NRG3: variants seen among roughly 807,000 people sequenced by gnomAD.
The protein encoded by NRG3 is neuregulin 3.
In NRG3, 31 loss-of-function variants were observed where a neutral mutation model predicts 66.9. That is an observed-to-expected ratio of 0.46 (90% confidence interval 0.35 to 0.63). The LOEUF (loss-of-function observed/expected upper bound fraction) is 0.63, where lower values mean the gene tolerates loss of function less well. Among genes scored for constraint, NRG3 ranks in the 20% least tolerant of loss-of-function variants. NRG3 has a pLI of 0.00. For missense variants in NRG3, 910 were observed against 878.9 expected (o/e 1.04, Z -0.45); for synonymous variants, 393 against 359.4 (o/e 1.09, Z -1.06).
intron 4 of NRG3, among the ~76,000 whole-genome samples, chr10:82,876,495 T>TA (rs1841831530): frequency 6.6e-6 from 1 of 152,062 alleles, no homozygotes; most frequent in South Asian, 2.1e-4. Flanking sequence ...GAACTTTTTG[T>TA]AAAAAGTGAA....
chr10:82,747,303 T>C (rs527474377), intron 3 of NRG3, among the ~76,000 whole-genome samples: 37 of 152,206 alleles, frequency 2.4e-4, no homozygotes, highest in African/African-American at 8.4e-4. Flanking sequence ...AAGGGCTGTT[T>C]AGTGGGTTTC....
chr10:82,865,280 A>G, intron 3 of NRG3, 131 bp from the exon 4 acceptor site: 1 of 764,962 alleles, frequency 1.3e-6, no homozygotes, highest in Non-Finnish European at 2.2e-6. Flanking sequence ...AAGCAAACAT[A>G]GGGGTTAAAA....
At chr10:82,913,762 T>C (rs1163152650) in intron 4 of NRG3, among the ~76,000 whole-genome samples, 1 of 152,236 alleles carries the variant, frequency 6.6e-6, no homozygotes, top group Non-Finnish European at 1.5e-5. Context: ...TTTGTGCAGA[T>C]TTAACATGAT....
At chr10:82,582,682 G>A (rs1415554349) in intron 2 of NRG3, among the ~76,000 whole-genome samples, 1 of 151,898 alleles carries the variant, frequency 6.6e-6, no homozygotes, top group African/African-American at 2.4e-5. Context: ...GTGTGTGTGT[G>A]TGTGTGTGTG....
chr10:82,206,711 C>A (rs1440839986), intron 1 of NRG3, among the ~76,000 whole-genome samples: 1 of 152,110 alleles, frequency 6.6e-6, no homozygotes, highest in Admixed American at 6.6e-5. Flanking sequence ...ATCTCAGGGA[C>A]CTTTACACCA....
At chr10:82,881,965 G>A (rs1171822158) in intron 4 of NRG3, among the ~76,000 whole-genome samples, 1 of 152,154 alleles carries the variant, frequency 6.6e-6, no homozygotes, top group Non-Finnish European at 1.5e-5. Flanking sequence ...CCCTGGAACA[G>A]TGCCAAATAC....
chr10:82,099,120 T>C (rs2132085302), intron 1 of NRG3, among the ~76,000 whole-genome samples: 1 of 152,300 alleles, frequency 6.6e-6, no homozygotes, highest in South Asian at 2.1e-4. Context: ...GATTTCTTTT[T>C]TCTTTCATGG....
chr10:82,188,139 G>A (rs1390927509), intron 1 of NRG3, among the ~76,000 whole-genome samples: 1 of 152,028 alleles, frequency 6.6e-6, no homozygotes, highest in Admixed American at 6.6e-5. Context: ...ACAGAATAGA[G>A]AGCCCAGAAA....
intron 1 of NRG3, among the ~76,000 whole-genome samples, chr10:82,092,319 G>T (rs1005952109): frequency 3.3e-5 from 5 of 152,008 alleles, no homozygotes; most frequent in African/African-American, 1.2e-4. Flanking sequence ...CTAATGCGTG[G>T]CTTGTTGCCT....
chr10:82,699,230 GAAAAT>G (rs2134270594), intron 2 of NRG3, among the ~76,000 whole-genome samples: 1 of 136,648 alleles, frequency 7.3e-6, no homozygotes, highest in African/African-American at 2.7e-5. Context: ...AGAAAAGAAA[GAAAAT>G]AAAAGAAGGA....
At chr10:82,466,726 T>A (rs932293410) in intron 2 of NRG3, among the ~76,000 whole-genome samples, 2 of 151,776 alleles carry the variant, frequency 1.3e-5, no homozygotes, top group Non-Finnish European at 2.9e-5. Context: ...TAGACAGACA[T>A]GTGCTGCTGA....
At chr10:82,973,732 A>T (rs1028883878) in intron 6 of NRG3, 56 bp from the exon 7 acceptor site, 3 of 1,603,294 alleles carry the variant, frequency 1.9e-6, no homozygotes, top group Admixed American at 1.7e-5. Context: ...CTCTGGTGTT[A>T]TAGGCCCTCC....
intron 1 of NRG3, among the ~76,000 whole-genome samples, chr10:82,167,554 G>A (rs891503975): frequency 6.6e-6 from 1 of 151,934 alleles, no homozygotes; most frequent in Admixed American, 6.6e-5. Context: ...CTTCATATTA[G>A]CACATTATTA....
At position 82,524,731 on chromosome 10, in the gene NRG3, T is replaced by C. The variant is rs188625923; in HGVS notation, c.953+165863T>C. 1.1e-4 allele frequency among the ~76,000 whole-genome samples: 16 copies of C among 152,028 alleles called. No homozygotes were observed. In the East Asian group the frequency reaches 2.5e-3, roughly 24 times the overall value. ...CATGTTCTTTTTAATATAGAACATT[T>C]CATTTCAAATCCTATATATTTTACA... On this transcript the variant is annotated intron_variant, in intron 2 of 8. Transcript: ENST00000372141.
intron 2 of NRG3, among the ~76,000 whole-genome samples, chr10:82,540,576 A>C (rs1240785603): frequency 1.3e-5 from 2 of 151,824 alleles, no homozygotes; most frequent in Admixed American, 6.6e-5. Flanking sequence ...TGCAGCCTGG[A>C]GTGTTGGAGC....
intron 7 of NRG3, among the ~76,000 whole-genome samples, chr10:82,974,790 G>C (rs1442754859): frequency 2.0e-5 from 3 of 152,130 alleles, no homozygotes; most frequent in African/African-American, 7.2e-5. Context: ...TTCACATGCT[G>C]GGCAATAGTT....
chr10:82,085,681 G>A (rs2065679487), intron 1 of NRG3, among the ~76,000 whole-genome samples: 1 of 151,884 alleles, frequency 6.6e-6, no homozygotes, highest in South Asian at 2.1e-4. Context: ...TTGTTGCCCA[G>A]GCTGGAGTGC....
intron 1 of NRG3, among the ~76,000 whole-genome samples, chr10:81,939,716 C>A (rs1308241245): frequency 2.7e-5 from 4 of 149,646 alleles, no homozygotes; most frequent in Non-Finnish European, 5.9e-5. Context: ...AAAAAAAAAA[C>A]CCAAATCTTA....
Position 81,989,818 on chromosome 10 carries a change from C to T in NRG3, c.823+113655C>T, listed in dbSNP as rs180772020. Among the ~76,000 whole-genome samples the T allele has an allele frequency of 1.3e-4, 20 of 151,922 alleles. No homozygotes were observed. The East Asian group carries it at 1.9e-3, about 15-fold the overall frequency. The stretch of plus-strand genomic sequence containing the variant: ...GTTATTGATGGCCTTGAGAAAAATG[C>T]GACTCTGGAGATGTGTCTGCAGAAG... On this transcript the variant is annotated intron_variant, in intron 1 of 8. Transcript: ENST00000372141.
Sources: allele counts gnomAD v4.1 joint callset (sites outside exome capture counted in the v4.1 genomes callset), GRCh38; gene constraint gnomAD v4.1.1; transcripts MANE v1.5; gene names NCBI Gene and HGNC (gene_info 2026-07-23, HGNC 2026-07-21).